Variants in MAD1L1 observed in about 807,000 individuals in gnomAD.
MAD1L1 encodes mitotic arrest deficient 1 like 1, also known as mitotic spindle assembly checkpoint protein MAD1.
Under a neutral mutation model 96.9 loss-of-function variants are expected in MAD1L1, and 95 were observed. That is an observed-to-expected ratio of 0.98 (90% CI 0.83 to 1.16). MAD1L1 has a LOEUF of 1.16. Ranked by LOEUF, MAD1L1 falls within the 50% of genes most tolerant of loss-of-function variation. MAD1L1 has a pLI of 0.00. For synonymous variants in MAD1L1, 473 were observed against 396.6 expected, an observed-to-expected ratio of 1.19 and a Z score of -2.29; for missense variants, 1,007 against 954.4, an observed-to-expected ratio of 1.06 and a Z score of -0.73.
intron 11 of MAD1L1, among the ~76,000 whole-genome samples, chr7:2,137,825 A>G (rs547223584): frequency 1.3e-5 from 2 of 152,296 alleles, no homozygotes; most frequent in African/African-American, 4.8e-5. Context: ...TGGAGGCTCC[A>G]AAGAGGGGAA....
intron 11 of MAD1L1, among the ~76,000 whole-genome samples, chr7:2,105,244 G>T (rs1349281257): frequency 6.6e-6 from 1 of 152,130 alleles, no homozygotes; most frequent in East Asian, 1.9e-4. Flanking sequence ...CTAACAAAGG[G>T]CACTAACACA....
At chr7:2,216,124 G>A (rs371734980) in intron 8 of MAD1L1, 33 bp downstream of exon 8, 38 of 1,609,096 alleles carry the variant, frequency 2.4e-5, no homozygotes, top group Admixed American at 1.8e-4. Flanking sequence ...AGACTCACTC[G>A]AGGCGGCTGC....
At chr7:2,030,264 G>A (rs978297817) in intron 12 of MAD1L1, among the ~76,000 whole-genome samples, 26 of 152,320 alleles carry the variant, frequency 1.7e-4, no homozygotes, top group African/African-American at 4.1e-4. Context: ...AGTGACGCCC[G>A]GGGTGGAGGT....
At chr7:1,841,252 T>C (rs1224908857) in intron 18 of MAD1L1, among the ~76,000 whole-genome samples, 7 of 152,184 alleles carry the variant, frequency 4.6e-5, no homozygotes, top group African/African-American at 1.7e-4. Context: ...TTTGAGAATT[T>C]CGTCTCTCCA....
intron 10 of MAD1L1, among the ~76,000 whole-genome samples, chr7:2,152,531 G>A (rs376982790): frequency 5.3e-4 from 80 of 152,308 alleles, no homozygotes; most frequent in Non-Finnish European, 6.9e-4. Context: ...CAGTGAGCTC[G>A]ATGACAGCCT....
At chr7:2,013,118 C>T (rs1782375857) in intron 13 of MAD1L1, among the ~76,000 whole-genome samples, 1 of 152,250 alleles carries the variant, frequency 6.6e-6, no homozygotes, top group Admixed American at 6.5e-5. Context: ...GAGGCTCTGT[C>T]AGACTTTCCC....
chr7:1,885,008 C>A lies in MAD1L1; in HGVS notation c.1998+13192G>T, dbSNP rs147684692. Among the ~76,000 whole-genome samples the A allele has an allele frequency of 3.5e-3, 528 of 152,344 alleles. 1 individual carries two copies. Among genetic ancestry groups the A allele is most frequent in the Middle Eastern group, 0.017 (5 of 294 alleles). Reference sequence around the variant, plus strand: ...GGGGATCACTGTGCATGAAGTTACCCGTGTTGGTCAAAACCCATACATGTG... The same window carrying A: ...GGGGATCACTGTGCATGAAGTTACCAGTGTTGGTCAAAACCCATACATGTG... On this transcript the variant is annotated intron_variant, in intron 18 of 18. Transcript: ENST00000265854.
chr7:1,985,116 CA>C lies in MAD1L1; in HGVS notation c.1417-4576del, dbSNP rs1287101279. Reference sequence around the variant, plus strand: ...TGGACAGGACCTGGGGTACTCAGATCAAAACACTTTCTGGGTGTGTCTGGGA... The same window carrying C: ...TGGACAGGACCTGGGGTACTCAGATCAAACACTTTCTGGGTGTGTCTGGGA... On this transcript the variant is annotated intron_variant, in intron 14 of 18. Transcript: ENST00000265854. Among the ~76,000 whole-genome samples the C allele has an allele frequency of 5.9e-5, 9 of 152,328 alleles. No individual in the cohort carries two copies. In the East Asian group the frequency reaches 1.7e-3, roughly 29 times the overall value.
At chr7:1,896,592 G>A (rs1044986649) in intron 18 of MAD1L1, among the ~76,000 whole-genome samples, 16 of 152,212 alleles carry the variant, frequency 1.1e-4, no homozygotes, top group Non-Finnish European at 4.4e-5. Context: ...ATGTGCCTAC[G>A]TATGAAACAC....
intron 11 of MAD1L1, 107 bp downstream of exon 11, chr7:2,149,045 G>C: frequency 2.1e-6 from 2 of 960,228 alleles, no homozygotes; most frequent in Non-Finnish European, 3.3e-6. Context: ...CCAACCACAT[G>C]ATGAAGGACA....
intron 18 of MAD1L1, among the ~76,000 whole-genome samples, chr7:1,890,058 A>G (rs1178263718): frequency 6.6e-6 from 1 of 152,162 alleles, no homozygotes; most frequent in Non-Finnish European, 1.5e-5. Flanking sequence ...GCCCCTCTCT[A>G]TGGCAAGAAT....
rs541095635 is a variant in MAD1L1, at chr7:2,172,436, G to A, written c.987-23198C>T. Among the ~76,000 whole-genome samples the A allele has an allele frequency of 5.9e-5, 9 of 152,304 alleles. No homozygotes were observed. In the East Asian group the frequency reaches 7.7e-4, roughly 13 times the overall value. On this transcript the variant is annotated intron_variant, in intron 10 of 18. Transcript: ENST00000265854. Reference sequence around the variant, plus strand: ...CCAGGGCCCAGCAGCAGGAAGTCACGGTGCCGCTGCGAAAGGCCCCGGGTC... The same window carrying A: ...CCAGGGCCCAGCAGCAGGAAGTCACAGTGCCGCTGCGAAAGGCCCCGGGTC...
At chr7:2,090,849 C>T (rs939911523) in intron 11 of MAD1L1, among the ~76,000 whole-genome samples, 1 of 152,164 alleles carries the variant, frequency 6.6e-6, no homozygotes, top group East Asian at 1.9e-4. Context: ...TTGGGTACTC[C>T]ACTCTTTGGA....
chr7:1,871,629 A>ACTGAACCCAACATACACCTGCCATG (rs1785108052), intron 18 of MAD1L1, among the ~76,000 whole-genome samples: 1 of 114,802 alleles, frequency 8.7e-6, no homozygotes, highest in South Asian at 3.0e-4. Flanking sequence ...CGCCTGCCAC[A>ACTGAACCCAACATACACCTGCCATG]CTGAACCCAA....
chr7:2,005,981 T>C (rs1251541268), intron 13 of MAD1L1, among the ~76,000 whole-genome samples: 3 of 151,856 alleles, frequency 2.0e-5, no homozygotes, highest in African/African-American at 7.3e-5. Context: ...GGGGCCGGAA[T>C]TCCAGGAGTG....
At chr7:2,054,784 C>T (rs1010732937) in intron 12 of MAD1L1, among the ~76,000 whole-genome samples, 4 of 152,200 alleles carry the variant, frequency 2.6e-5, no homozygotes, top group Non-Finnish European at 5.9e-5. Context: ...TCCAGGTGTA[C>T]GTGGAGGGAT....
chr7:1,873,189 T>A (rs748770158), intron 18 of MAD1L1, among the ~76,000 whole-genome samples: 17 of 152,332 alleles, frequency 1.1e-4, no homozygotes, highest in Middle Eastern at 3.4e-3. Flanking sequence ...AAGGGGGGCC[T>A]TGACCCCCAC....
At chr7:2,043,517 G>C (rs1243092520) in intron 12 of MAD1L1, among the ~76,000 whole-genome samples, 1 of 152,246 alleles carries the variant, frequency 6.6e-6, no homozygotes, top group Admixed American at 6.5e-5. Context: ...CTGTGGGCTG[G>C]AGGTGGCCGG....
chr7:1,919,639 C>T (rs1196852751), intron 17 of MAD1L1, among the ~76,000 whole-genome samples: 3 of 152,248 alleles, frequency 2.0e-5, no homozygotes, highest in Admixed American at 2.0e-4. Context: ...GCTGAGCACA[C>T]ATCATGGGCC....
Sources: allele counts gnomAD v4.1 joint callset (sites outside exome capture counted in the v4.1 genomes callset), GRCh38; gene constraint gnomAD v4.1.1; transcripts MANE v1.5; gene names NCBI Gene and HGNC (gene_info 2026-07-23, HGNC 2026-07-21).